Variants in PHTF2 observed in about 807,000 individuals in gnomAD.
PHTF2 encodes putative homeodomain transcription factor 2.
Under a neutral mutation model 101.2 loss-of-function variants are expected in PHTF2, and 60 were observed. The observed-to-expected ratio is 0.59, with a 90% CI of 0.48 to 0.73. The LOEUF (loss-of-function observed/expected upper bound fraction) is 0.73, where lower values mean the gene tolerates loss of function less well. Among genes scored for constraint, PHTF2 ranks in the 30% least tolerant of loss-of-function variants. PHTF2 has a pLI of 0.00. For synonymous variants in PHTF2, 311 were observed against 307.3 expected, an observed-to-expected ratio of 1.01 and a Z score of -0.13; for missense variants, 747 against 908.7, an observed-to-expected ratio of 0.82 and a Z score of 2.29.
chr7:77,925,226 G>T (rs1803848451), intron 11 of PHTF2, among the ~76,000 whole-genome samples: 1 of 152,022 alleles, frequency 6.6e-6, no homozygotes, highest in Non-Finnish European at 1.5e-5. Context: ...CACCCCCCAA[G>T]AAAGCATTTA....
intron 1 of PHTF2, among the ~76,000 whole-genome samples, chr7:77,801,144 T>G (rs908925517): frequency 5.3e-5 from 8 of 152,212 alleles, no homozygotes; most frequent in Admixed American, 1.3e-4. Context: ...GGAGCATTCA[T>G]TTGATGGGAG....
intron 1 of PHTF2, among the ~76,000 whole-genome samples, chr7:77,806,334 T>C (rs1291208547): frequency 6.6e-6 from 1 of 152,194 alleles, no homozygotes; most frequent in Non-Finnish European, 1.5e-5. Flanking sequence ...CATTATGTAT[T>C]TTGAAGTTCT....
At chr7:77,876,570 A>G (rs1000012720) in intron 3 of PHTF2, among the ~76,000 whole-genome samples, 28 of 152,264 alleles carry the variant, frequency 1.8e-4, no homozygotes, top group African/African-American at 6.0e-4. Flanking sequence ...TTTATATCCC[A>G]TCTTTCACTG....
intron 5 of PHTF2, among the ~76,000 whole-genome samples, chr7:77,896,269 C>T (rs1800868355): frequency 6.6e-6 from 1 of 152,134 alleles, no homozygotes; most frequent in Admixed American, 6.5e-5. Flanking sequence ...GTACACACTA[C>T]CCATTAATCA....
At chr7:77,924,526 A>G (rs1803782345) in intron 11 of PHTF2, among the ~76,000 whole-genome samples, 1 of 152,232 alleles carries the variant, frequency 6.6e-6, no homozygotes, top group Admixed American at 6.5e-5. Flanking sequence ...TCTTTTCAGA[A>G]AGACTTGGGA....
At chr7:77,859,303 A>G (rs1383404908) in intron 3 of PHTF2, among the ~76,000 whole-genome samples, 1 of 152,196 alleles carries the variant, frequency 6.6e-6, no homozygotes, top group African/African-American at 2.4e-5. Context: ...TCAACCTACT[A>G]CTGAAGGATA....
intron 1 of PHTF2, among the ~76,000 whole-genome samples, chr7:77,824,537 T>C (rs1449482455): frequency 6.6e-6 from 1 of 152,144 alleles, no homozygotes; most frequent in African/African-American, 2.4e-5. Flanking sequence ...GCAATTCTCC[T>C]GCCTCAGCCT....
chr7:77,825,594 A>T (rs1794643013), intron 1 of PHTF2, among the ~76,000 whole-genome samples: 1 of 152,216 alleles, frequency 6.6e-6, no homozygotes, highest in Non-Finnish European at 1.5e-5. Flanking sequence ...TGCTCAGTCC[A>T]ATTTTAGCTC....
chr7:77,845,176 A>C (rs1433261760), intron 2 of PHTF2, among the ~76,000 whole-genome samples: 1 of 152,208 alleles, frequency 6.6e-6, no homozygotes, highest in African/African-American at 2.4e-5. Flanking sequence ...ATGTATTGAA[A>C]GATAATTGAC....
At chr7:77,945,232 G>T (rs1033723615) in intron 16 of PHTF2, among the ~76,000 whole-genome samples, 3 of 152,168 alleles carry the variant, frequency 2.0e-5, no homozygotes, top group African/African-American at 7.2e-5. Context: ...CAGCTGCTCG[G>T]GAGGATGAGG....
chr7:77,809,217 G>C (rs1357019393), intron 1 of PHTF2, among the ~76,000 whole-genome samples: 1 of 119,506 alleles, frequency 8.4e-6, no homozygotes, highest in Non-Finnish European at 1.7e-5. Context: ...TATAAACCCA[G>C]TTCGTTGTTT....
intron 12 of PHTF2, among the ~76,000 whole-genome samples, chr7:77,936,267 CTAAAGAA>C (rs1433009764): frequency 6.6e-6 from 1 of 152,074 alleles, no homozygotes; most frequent in Non-Finnish European, 1.5e-5. Context: ...TTTTTGTCCT[CTAAAGAA>C]TAAATGTACC....
chr7:77,889,110 T>G (rs1800132559), intron 3 of PHTF2, among the ~76,000 whole-genome samples: 1 of 152,212 alleles, frequency 6.6e-6, no homozygotes, highest in South Asian at 2.1e-4. Flanking sequence ...ACCCTAAGTC[T>G]TGAGAAGATG....
At chr7:77,840,144 C>G (rs902333855) in intron 1 of PHTF2, 77 bp from the exon 2 acceptor site, 3 of 742,240 alleles carry the variant, frequency 4.0e-6, no homozygotes, top group Non-Finnish European at 7.3e-6. Context: ...AACCAGAGTG[C>G]TATGTCTGCA....
Position 77,896,679 on chromosome 7 carries a change from G to A in PHTF2, c.216+2686G>A, listed in dbSNP as rs77322154. ...TTCATTTTTACTAAACATTCTAGTG[G>A]AGGCAAATTATGGTGTAAAATAATT... On this transcript the variant is annotated intron_variant, in intron 5 of 19. Transcript: ENST00000416283. Among the ~76,000 whole-genome samples the A allele has an allele frequency of 8.6e-3, 1,307 of 152,266 alleles. 21 individuals are homozygous for A. The highest frequency in any genetic ancestry group is 0.03 in the African/African-American group (1,233 of 41,560).
At chr7:77,818,958 C>T (rs745983698) in intron 1 of PHTF2, among the ~76,000 whole-genome samples, 2 of 152,056 alleles carry the variant, frequency 1.3e-5, no homozygotes, top group Non-Finnish European at 2.9e-5. Flanking sequence ...TCTTTCACCT[C>T]CTTGTTTAAA....
intron 1 of PHTF2, among the ~76,000 whole-genome samples, chr7:77,835,935 C>T (rs2150565844): frequency 6.6e-6 from 1 of 152,024 alleles, no homozygotes; most frequent in East Asian, 1.9e-4. Flanking sequence ...ACCTGACCAA[C>T]ATGGAGAAAC....
intron 1 of PHTF2, among the ~76,000 whole-genome samples, chr7:77,831,152 A>G (rs2150551194): frequency 6.6e-6 from 1 of 152,396 alleles, no homozygotes; most frequent in Middle Eastern, 3.4e-3. Flanking sequence ...CCAACAAGCC[A>G]TGAAACCTTC....
At chr7:77,873,455 C>T (rs1309224518) in intron 3 of PHTF2, among the ~76,000 whole-genome samples, 1 of 152,076 alleles carries the variant, frequency 6.6e-6, no homozygotes, top group African/African-American at 2.4e-5. Flanking sequence ...ACACTATCAA[C>T]CCCCCCATCT....
Sources: gnomAD v4.1 joint callset for allele counts (sites outside exome capture counted in the v4.1 genomes callset) on GRCh38, gnomAD v4.1.1 for gene constraint, MANE v1.5 for transcripts, NCBI Gene and HGNC (gene_info 2026-07-23, HGNC 2026-07-21) for gene names.